The following SH3KBP1 variants were observed in gnomAD, a reference collection of about 807,000 sequenced individuals.
SH3KBP1 encodes SH3 domain-containing kinase-binding protein 1.
In SH3KBP1, 8 loss-of-function variants were observed where a neutral mutation model predicts 50.1. The observed-to-expected ratio is 0.16, with a 90% CI of 0.09 to 0.29. The LOEUF (loss-of-function observed/expected upper bound fraction) is 0.29, where lower values mean the gene tolerates loss of function less well. SH3KBP1 is among the 10% of genes least tolerant of loss of function. SH3KBP1 has a pLI of 1.00. For synonymous variants in SH3KBP1, 227 were observed against 218.6 expected, an observed-to-expected ratio of 1.04 and a Z score of -0.34; for missense variants, 377 against 535.2, an observed-to-expected ratio of 0.70 and a Z score of 2.92.
intron 2 of SH3KBP1, among the ~76,000 whole-genome samples, chrX:19,798,523 CT>C (rs1260891573): frequency 8.9e-6 from 1 of 111,913 alleles, no homozygotes; most frequent in African/African-American, 3.3e-5. Context: ...AGCCTCCTAA[CT>C]TGGGTCCTCA....
chrX:19,696,650 G>A (rs1219657220), intron 4 of SH3KBP1, among the ~76,000 whole-genome samples: 3 of 111,452 alleles, frequency 2.7e-5, no homozygotes, highest in Non-Finnish European at 5.6e-5. Context: ...GGTGACAGAA[G>A]CGTAAAAAAA....
intron 7 of SH3KBP1, among the ~76,000 whole-genome samples, chrX:19,632,379 A>T (rs932036909): frequency 1.3e-4 from 15 of 112,744 alleles, no homozygotes; most frequent in Non-Finnish European, 2.4e-4. Flanking sequence ...AATTAGAAAC[A>T]AGGTATTTAT....
chrX:19,775,050 C>A (rs183112012), intron 2 of SH3KBP1, among the ~76,000 whole-genome samples: 2 of 111,303 alleles, frequency 1.8e-5, no homozygotes, highest in Admixed American at 9.5e-5. Context: ...TGTCACCAGT[C>A]CACAGATCAC....
chrX:19,666,535 A>G (rs191890354), intron 6 of SH3KBP1, among the ~76,000 whole-genome samples: 1 of 111,304 alleles, frequency 9.0e-6, no homozygotes, highest in Non-Finnish European at 1.9e-5. Context: ...GTTAATGGTG[A>G]TTCTAAGACT....
rs747472509 is a variant in SH3KBP1 at position 19,645,321 on chromosome X, G to T, written c.802+79C>A. The T allele has an allele frequency of 1.5e-4, 116 of 759,587 alleles. No individual in the cohort carries two copies. In the African/African-American group the frequency reaches 2.3e-3, roughly 15 times the overall value. The allele number at this position is 759,587 out of a possible 1,213,427, so 62.6% of individuals were successfully genotyped here. On this transcript the variant is annotated intron_variant, in intron 7 of 17. Coordinates refer to ENST00000397821, the MANE Select transcript of SH3KBP1 (RefSeq NM_031892.3). Reference sequence around the variant, plus strand: ...TGCAAAAGCTATCAAGGTTATATAGGGATTTCTAAAAAACATTTCTGTTAT... The same window carrying T: ...TGCAAAAGCTATCAAGGTTATATAGTGATTTCTAAAAAACATTTCTGTTAT...
chrX:19,838,180 T>C (rs2068114224), intron 1 of SH3KBP1, among the ~76,000 whole-genome samples: 1 of 112,461 alleles, frequency 8.9e-6, no homozygotes, highest in Admixed American at 9.4e-5. Flanking sequence ...CTATTCATTT[T>C]GTTTTAACTT....
chrX:19,815,795 G>T (rs1739886197), intron 2 of SH3KBP1, among the ~76,000 whole-genome samples: 1 of 111,869 alleles, frequency 8.9e-6, no homozygotes, highest in South Asian at 3.7e-4. Flanking sequence ...ACAGCACGAT[G>T]CCCCTGAGAT....
intron 12 of SH3KBP1, among the ~76,000 whole-genome samples, chrX:19,586,201 C>T (rs2066561620): frequency 8.9e-6 from 1 of 111,968 alleles, no homozygotes; most frequent in African/African-American, 3.2e-5. Context: ...TGCCACATTT[C>T]CCCCAGGCTT....
intron 2 of SH3KBP1, among the ~76,000 whole-genome samples, chrX:19,752,616 T>TC (rs761113623): frequency 3.4e-4 from 38 of 111,635 alleles, no homozygotes; most frequent in African/African-American, 1.2e-3. Flanking sequence ...GATGAAAATG[T>TC]CCTATAACGA....
At chrX:19,615,571 G>A (rs1008499859) in intron 8 of SH3KBP1, among the ~76,000 whole-genome samples, 1 of 112,030 alleles carries the variant, frequency 8.9e-6, no homozygotes, top group Non-Finnish European at 1.9e-5. Context: ...GCTATTGAGC[G>A]AAAGTTCCAT....
intron 6 of SH3KBP1, among the ~76,000 whole-genome samples, chrX:19,667,909 T>G (rs1490215951): frequency 9.5e-6 from 1 of 105,768 alleles, no homozygotes; most frequent in Non-Finnish European, 1.9e-5. Flanking sequence ...AACCTAGAAA[T>G]TCCTCTTTTA....
rs148051672 is a variant in SH3KBP1 at position 19,722,191 on chromosome X, C to T, written c.287-15207G>A. Among the ~76,000 whole-genome samples the T allele has an allele frequency of 5.7e-3, 634 of 111,946 alleles. 7 individuals carry two copies. The highest frequency in any genetic ancestry group is 0.019 in the African/African-American group (590 of 30,778). ...CTGAACCACAAATGGCCACGTGGCACGGTGCTCATGAAGCTGCTTGCCAAG... is the reference window on the plus strand; with the variant it reads ...CTGAACCACAAATGGCCACGTGGCATGGTGCTCATGAAGCTGCTTGCCAAG... On this transcript the variant is annotated intron_variant, in intron 3 of 17. Coordinates refer to ENST00000397821, the MANE Select transcript of SH3KBP1 (RefSeq NM_031892.3).
At chrX:19,667,698 TA>T (rs1342594946) in intron 6 of SH3KBP1, among the ~76,000 whole-genome samples, 4 of 110,514 alleles carry the variant, frequency 3.6e-5, no homozygotes, top group Non-Finnish European at 7.6e-5. Context: ...TTTACAACAA[TA>T]AAAAACCAAT....
At chrX:19,616,305 G>A (rs780274190) in intron 8 of SH3KBP1, among the ~76,000 whole-genome samples, 4 of 111,704 alleles carry the variant, frequency 3.6e-5, no homozygotes, top group Non-Finnish European at 7.5e-5. Context: ...TCATGACCCA[G>A]AGTGGAACTA....
chrX:19,730,915 ATTTAT>A (rs1256933858), intron 3 of SH3KBP1, among the ~76,000 whole-genome samples: 7 of 111,911 alleles, frequency 6.3e-5, no homozygotes, highest in Non-Finnish European at 1.1e-4. Context: ...ATACACTTTC[ATTTAT>A]TTTATTTTAT....
intron 16 of SH3KBP1, among the ~76,000 whole-genome samples, chrX:19,541,307 TCTC>T (rs2064885954): frequency 8.9e-6 from 1 of 111,987 alleles, no homozygotes; most frequent in Non-Finnish European, 1.9e-5. Context: ...TCCAGGTCTT[TCTC>T]CTCAACAAAG....
Position 19,874,163 on chromosome X carries a change from G to A in SH3KBP1, c.4+13144C>T, listed in dbSNP as rs373738490. On this transcript the variant is annotated intron_variant, in intron 1 of 17. Coordinates refer to ENST00000397821, the MANE Select transcript of SH3KBP1 (RefSeq NM_031892.3). ...GGGACCCATGGCTGGCTGTGGGATG[G>A]AGAAGGCCAGTAACCCTGTCCCTGG... 4.9e-4 allele frequency among the ~76,000 whole-genome samples: 49 copies of A among 100,697 alleles called. 1 individual carries two copies. The East Asian group carries it at 5.8e-3, about 12-fold the overall frequency. 87.4% of individuals were successfully genotyped at this position (100,697 alleles called of 115,157 possible).
At chrX:19,813,497 C>A (rs1283001488) in intron 2 of SH3KBP1, among the ~76,000 whole-genome samples, 2 of 111,587 alleles carry the variant, frequency 1.8e-5, no homozygotes, top group African/African-American at 6.5e-5. Context: ...AATAAGAACA[C>A]GCAAGAGTTA....
chrX:19,541,977 T>C lies in SH3KBP1; in HGVS notation c.1840A>G (p.Thr614Ala), dbSNP rs1443324251. ...ATGCTCCTCAGCTCGCGGACCTGTG[T>C]CCTTAGCTCCTCCACGGCCGCCTGG... ...SSQAAVEELR[T>A]QVRELRSIIE... The change falls in exon 16 of 18, where the codon ACA (threonine) becomes GCA (alanine). Residue 614 changes from threonine to alanine, a missense_variant. Coordinates refer to ENST00000397821, the MANE Select transcript of SH3KBP1 (RefSeq NM_031892.3). 5.8e-6 allele frequency: 7 copies of C among 1,210,008 alleles called. No homozygotes were observed. The highest frequency in any genetic ancestry group is 6.7e-6 in the Non-Finnish European group (6 of 895,160).
Sources: allele counts gnomAD v4.1 joint callset (sites outside exome capture counted in the v4.1 genomes callset), GRCh38; gene constraint gnomAD v4.1.1; transcripts MANE v1.5; gene names NCBI Gene and HGNC (gene_info 2026-07-23, HGNC 2026-07-21).